PDGFD: variants seen among roughly 807,000 people sequenced by gnomAD.
PDGFD encodes the protein platelet derived growth factor D.
In PDGFD, 30 loss-of-function variants were observed where a neutral mutation model predicts 44.7. That is an observed-to-expected ratio of 0.67 (90% CI 0.50 to 0.91). The LOEUF (loss-of-function observed/expected upper bound fraction) is 0.91. Ranked by LOEUF, PDGFD falls within the 40% of genes least tolerant of loss-of-function variation. PDGFD has a pLI of 0.00. For missense variants in PDGFD, 445 were observed against 457.8 expected, an observed-to-expected ratio of 0.97 and a Z score of 0.25; for synonymous variants, 173 against 168.4, an observed-to-expected ratio of 1.03 and a Z score of -0.21.
At chr11:104,080,701 T>C (rs1861032744) in intron 1 of PDGFD, among the ~76,000 whole-genome samples, 1 of 152,228 alleles carries the variant, frequency 6.6e-6, no homozygotes, top group East Asian at 1.9e-4. Flanking sequence ...TATAACCTGT[T>C]TGGTAAACTT....
intron 5 of PDGFD, among the ~76,000 whole-genome samples, chr11:103,941,713 A>G (rs1185998118): frequency 2.0e-5 from 3 of 151,980 alleles, no homozygotes; most frequent in Admixed American, 1.3e-4. Context: ...TTCTAGGGGG[A>G]AAAAAAGTAA....
At chr11:103,994,919 AC>A (rs1239729728) in intron 3 of PDGFD, among the ~76,000 whole-genome samples, 2 of 137,806 alleles carry the variant, frequency 1.5e-5, no homozygotes, top group Non-Finnish European at 3.1e-5. Flanking sequence ...TTGCTTTGTT[AC>A]CCAGGCTAGA....
intron 1 of PDGFD, among the ~76,000 whole-genome samples, chr11:104,116,220 T>C (rs994273159): frequency 1.3e-5 from 2 of 152,082 alleles, no homozygotes; most frequent in Admixed American, 6.6e-5. Flanking sequence ...AAGTGAGAGA[T>C]AAGAATCCAG....
intron 1 of PDGFD, among the ~76,000 whole-genome samples, chr11:104,081,107 T>C (rs1429217721): frequency 6.6e-6 from 1 of 152,216 alleles, no homozygotes; most frequent in Non-Finnish European, 1.5e-5. Context: ...TAAGAGATTA[T>C]ATATGTTTAT....
At chr11:104,007,311 C>A (rs952430546) in intron 1 of PDGFD, among the ~76,000 whole-genome samples, 1 of 152,176 alleles carries the variant, frequency 6.6e-6, no homozygotes, top group South Asian at 2.1e-4. Context: ...AGTCTCACCC[C>A]TTATCCAGCT....
chr11:104,079,200 A>G (rs900014375), intron 1 of PDGFD, among the ~76,000 whole-genome samples: 4 of 152,216 alleles, frequency 2.6e-5, no homozygotes, highest in Non-Finnish European at 4.4e-5. Context: ...GGTAAAAAAA[A>G]GAGTCTGTCA....
At chr11:104,040,142 T>G (rs1376286365) in intron 1 of PDGFD, among the ~76,000 whole-genome samples, 2 of 152,118 alleles carry the variant, frequency 1.3e-5, no homozygotes, top group South Asian at 2.1e-4. Context: ...GATAAACTTT[T>G]TAATATATGA....
At chr11:104,004,233 A>T (rs1859665382) in intron 1 of PDGFD, among the ~76,000 whole-genome samples, 1 of 152,174 alleles carries the variant, frequency 6.6e-6, no homozygotes, top group South Asian at 2.1e-4. Flanking sequence ...AGTTTGATTA[A>T]GACAGTACAG....
intron 1 of PDGFD, 110 bp downstream of exon 1, chr11:104,163,694 G>A: frequency 7.7e-7 from 1 of 1,304,750 alleles, no homozygotes; most frequent in Non-Finnish European, 1.0e-6. Flanking sequence ...AATGCATTCA[G>A]CCCGAGTTCA....
At chr11:104,120,865 C>T (rs981481374) in intron 1 of PDGFD, among the ~76,000 whole-genome samples, 3 of 151,884 alleles carry the variant, frequency 2.0e-5, no homozygotes, top group African/African-American at 4.8e-5. Flanking sequence ...ATGCCCTACT[C>T]CCAAAGTAGA....
At chr11:103,973,525 T>C (rs1337748055) in intron 3 of PDGFD, among the ~76,000 whole-genome samples, 1 of 152,158 alleles carries the variant, frequency 6.6e-6, no homozygotes, top group Non-Finnish European at 1.5e-5. Context: ...TTGATAATCC[T>C]GCACACCTAT....
intron 1 of PDGFD, among the ~76,000 whole-genome samples, chr11:104,049,561 T>C (rs1218016273): frequency 6.6e-6 from 1 of 152,138 alleles, no homozygotes; most frequent in Non-Finnish European, 1.5e-5. Context: ...TGTTTTGTTT[T>C]GTTTTCTGGT....
At chr11:104,002,666 A>G (rs1036732296) in intron 1 of PDGFD, among the ~76,000 whole-genome samples, 4 of 152,200 alleles carry the variant, frequency 2.6e-5, no homozygotes, top group African/African-American at 9.7e-5. Context: ...ACAATTATGT[A>G]TTAAGCATAG....
chr11:104,116,806 G>C lies in PDGFD; in HGVS notation c.124+46998C>G, dbSNP rs1172678160. On this transcript the variant is annotated intron_variant, in intron 1 of 6. Coordinates refer to ENST00000393158, the MANE Select transcript of PDGFD (RefSeq NM_025208.5). ...TCTTTCCCGTGGCATTTTCATGATA[G>C]TGAATAAGTCTCACAAGATCTGATG... 4.6e-5 allele frequency among the ~76,000 whole-genome samples: 7 copies of C among 152,020 alleles called. No individual in the cohort carries two copies. In the East Asian group the frequency reaches 1.4e-3, roughly 29 times the overall value.
chr11:104,002,663 T>C (rs764477297), intron 1 of PDGFD, among the ~76,000 whole-genome samples: 1 of 152,210 alleles, frequency 6.6e-6, no homozygotes, highest in Non-Finnish European at 1.5e-5. Flanking sequence ...TCAACAATTA[T>C]GTATTAAGCA....
chr11:104,155,530 T>C (rs1862295040), intron 1 of PDGFD, among the ~76,000 whole-genome samples: 1 of 152,174 alleles, frequency 6.6e-6, no homozygotes, highest in Non-Finnish European at 1.5e-5. Flanking sequence ...AGTTCTCTTA[T>C]CTATTCTAAT....
At chr11:104,106,806 T>C (rs1209600222) in intron 1 of PDGFD, among the ~76,000 whole-genome samples, 2 of 151,690 alleles carry the variant, frequency 1.3e-5, no homozygotes, top group African/African-American at 4.8e-5. Context: ...TGCCGTGGCA[T>C]GATCTCGGCT....
intron 5 of PDGFD, among the ~76,000 whole-genome samples, chr11:103,937,486 A>G (rs1349372644): frequency 6.6e-6 from 1 of 152,116 alleles, no homozygotes; most frequent in Non-Finnish European, 1.5e-5. Flanking sequence ...TATGCTATGA[A>G]CTTGAATAAA....
intron 1 of PDGFD, among the ~76,000 whole-genome samples, chr11:104,022,713 C>A (rs1299365012): frequency 6.7e-6 from 1 of 148,324 alleles, no homozygotes; most frequent in East Asian, 2.0e-4. Flanking sequence ...ATGTATATCT[C>A]AATATATATA....
Sources: allele counts gnomAD v4.1 joint callset (sites outside exome capture counted in the v4.1 genomes callset), GRCh38; gene constraint gnomAD v4.1.1; transcripts MANE v1.5; gene names NCBI Gene and HGNC (gene_info 2026-07-23, HGNC 2026-07-21).